RNF130: variants seen among roughly 807,000 people sequenced by gnomAD.
The protein encoded by RNF130 is ring finger protein 130, also known as E3 ubiquitin-protein ligase RNF130.
A neutral mutation model predicts 44.6 loss-of-function variants in RNF130; 21 were observed. The observed-to-expected ratio is 0.47, with a 90% CI of 0.33 to 0.68. The LOEUF is 0.68. Among genes scored for constraint, RNF130 ranks in the 30% least tolerant of loss-of-function variants. RNF130 has a pLI of 0.02. For missense variants in RNF130, 479 were observed against 560.6 expected (o/e 0.85, Z 1.47); for synonymous variants, 214 against 210.4 (o/e 1.02, Z -0.15).
At chr5:179,936,455 C>CTCA (rs1761892433) in intron 7 of RNF130, among the ~76,000 whole-genome samples, 1 of 152,060 alleles carries the variant, frequency 6.6e-6, no homozygotes, top group Non-Finnish European at 1.5e-5. Context: ...TCTTGAACGC[C>CTCA]TGAGCTCAAG....
At chr5:179,973,813 C>T (rs765579925) in intron 5 of RNF130, among the ~76,000 whole-genome samples, 13 of 152,100 alleles carry the variant, frequency 8.5e-5, no homozygotes, top group East Asian at 3.9e-4. Context: ...GGTGGTGCAT[C>T]GGGACGGAAA....
At chr5:179,965,068 C>G (rs1232043521) in intron 7 of RNF130, among the ~76,000 whole-genome samples, 3 of 152,186 alleles carry the variant, frequency 2.0e-5, no homozygotes, top group Non-Finnish European at 4.4e-5. Context: ...ATGCAGACTA[C>G]CTTGTAGAAC....
chr5:179,961,355 A>T (rs1404318274), intron 8 of RNF130, among the ~76,000 whole-genome samples: 1 of 152,162 alleles, frequency 6.6e-6, no homozygotes, highest in Non-Finnish European at 1.5e-5. Flanking sequence ...TGTGAAATCA[A>T]CCCTCTACAA....
chr5:180,038,408 TTTG>T (rs1247771450), intron 2 of RNF130, among the ~76,000 whole-genome samples: 2 of 100,274 alleles, frequency 2.0e-5, no homozygotes. Flanking sequence ...AAAAGCCTGT[TTTG>T]TTTTTTTTTT....
At position 179,977,970 on chromosome 5, in the gene RNF130, C is replaced by T. The variant is rs144688723; in HGVS notation, c.848+233G>A. On this transcript the variant is annotated intron_variant, in intron 5 of 8. Coordinates refer to ENST00000521389, the MANE Select transcript of RNF130 (RefSeq NM_018434.6). This position sits in a 1 kb window ranked among gnomAD's most constrained non-coding sequence, Gnocchi z 4.1. ...GGCTGTGTCTGGGGAGTCTGGAGGC[C>T]GCGTGCCACATCGCATATTGGCTAC... Among the ~76,000 whole-genome samples, 5 of 152,340 alleles carry T rather than the reference C, an allele frequency of 3.3e-5. No homozygotes were observed. Among genetic ancestry groups the T allele is most frequent in the East Asian group, 3.9e-4 (2 of 5,190 alleles).
At chr5:180,021,227 A>C (rs1344970913) in intron 2 of RNF130, among the ~76,000 whole-genome samples, 1 of 152,114 alleles carries the variant, frequency 6.6e-6, no homozygotes, top group Non-Finnish European at 1.5e-5. Flanking sequence ...TGATCTCATG[A>C]TCCGCCTGCC....
intron 3 of RNF130, among the ~76,000 whole-genome samples, chr5:179,996,927 T>G (rs1216849664): frequency 6.6e-6 from 1 of 152,206 alleles, no homozygotes; most frequent in African/African-American, 2.4e-5. Flanking sequence ...AATTCTGCAG[T>G]GAAGGAATCA....
intron 3 of RNF130, among the ~76,000 whole-genome samples, chr5:180,012,067 G>A (rs2113083025): frequency 6.6e-6 from 1 of 152,266 alleles, no homozygotes; most frequent in African/African-American, 2.4e-5. Context: ...GCGTTTGGGT[G>A]TTTTATATCT....
intron 2 of RNF130, among the ~76,000 whole-genome samples, chr5:180,031,159 C>T (rs900547975): frequency 1.3e-5 from 2 of 152,122 alleles, no homozygotes; most frequent in Non-Finnish European, 2.9e-5. Context: ...ACTATGTTAT[C>T]AGTGAGGCTT....
At chr5:179,919,661 G>A (rs1761599818) in exon 8 of RNF130, 1 of 152,426 alleles carries the variant, frequency 6.6e-6, no homozygotes. Flanking sequence ...TGCTCAACAC[G>A]GAGGCTGGAA....
At chr5:179,995,636 C>T (rs1763183243) in intron 3 of RNF130, among the ~76,000 whole-genome samples, 1 of 152,202 alleles carries the variant, frequency 6.6e-6, no homozygotes, top group Non-Finnish European at 1.5e-5. Context: ...CAATGTCTCT[C>T]AGCTACTCCC....
intron 3 of RNF130, among the ~76,000 whole-genome samples, chr5:179,994,773 G>A (rs905221433): frequency 1.3e-5 from 2 of 152,240 alleles, no homozygotes; most frequent in African/African-American, 2.4e-5. Flanking sequence ...TATGTAAGCA[G>A]ATGTTGTAAT....
intron 3 of RNF130, among the ~76,000 whole-genome samples, chr5:179,994,729 G>C (rs1468361816): frequency 6.6e-6 from 1 of 152,216 alleles, no homozygotes; most frequent in African/African-American, 2.4e-5. Flanking sequence ...AAGAAGTCAT[G>C]AGAAGCTTTT....
intron 7 of RNF130, among the ~76,000 whole-genome samples, chr5:179,922,533 G>A (rs1012157053): frequency 2.0e-5 from 3 of 151,814 alleles, no homozygotes; most frequent in South Asian, 2.1e-4. Context: ...GGCTGGTCTC[G>A]AACTCCTGAG....
chr5:179,968,404 G>A (rs1762499841), intron 6 of RNF130, among the ~76,000 whole-genome samples: 3 of 152,212 alleles, frequency 2.0e-5, no homozygotes, highest in Admixed American at 6.5e-5. Flanking sequence ...GGTGGCTCAC[G>A]CCTGTAATCC....
rs144466347 is a variant in RNF130, at chr5:180,010,755, G to A, written c.693+2306C>T. Among the ~76,000 whole-genome samples, 85 of 152,280 alleles carry A rather than the reference G, an allele frequency of 5.6e-4. 1 individual carries two copies. Among genetic ancestry groups the A allele is most frequent in the African/African-American group, 2.0e-3 (82 of 41,550 alleles). On this transcript the variant is annotated intron_variant, in intron 3 of 8. Coordinates refer to ENST00000521389, the MANE Select transcript of RNF130 (RefSeq NM_018434.6). ...TAGGGAAGGGGGAAGGAGGGAGGTG[G>A]CTGTGGTTATAAAAGAGTAGCACAA...
Position 179,940,383 on chromosome 5 carries a change from A to G in RNF130, c.1151-19957T>C, listed in dbSNP as rs528254054. 5.3e-5 allele frequency among the ~76,000 whole-genome samples: 8 copies of G among 151,686 alleles called. No homozygotes were observed. The South Asian group carries it at 1.5e-3, about 28-fold the overall frequency. ...TTACAGGTGCCCGGCACCACACCCA[A>G]CTAATTTTTATATTTTTAGTAGAGA... On this transcript the variant is annotated intron_variant, in intron 7 of 7. Coordinates refer to the RNF130 transcript ENST00000522208.
At chr5:180,015,192 TAA>T in intron 2 of RNF130, 1 of 324,300 alleles carries the variant, frequency 3.1e-6, no homozygotes, top group Non-Finnish European at 6.8e-6. Context: ...CTTTCTGAAA[TAA>T]GAGTTGTGAT....
intron 1 of RNF130, among the ~76,000 whole-genome samples, chr5:180,055,837 AC>A (rs1468159630): frequency 6.6e-6 from 1 of 152,116 alleles, no homozygotes; most frequent in Non-Finnish European, 1.5e-5. Flanking sequence ...TAATCCTCTC[AC>A]TTTGGGAGGC....
Sources: gnomAD v4.1 joint callset for allele counts (sites outside exome capture counted in the v4.1 genomes callset) on GRCh38, gnomAD v4.1.1 for gene constraint, Gnocchi (gnomAD v3.1) non-coding constraint, MANE v1.5 for transcripts, NCBI Gene and HGNC (gene_info 2026-07-23, HGNC 2026-07-21) for gene names.